Variants in PDE1C observed in about 807,000 individuals in gnomAD.
The protein encoded by PDE1C is dual specificity calcium/calmodulin-dependent 3',5'-cyclic nucleotide phosphodiesterase 1C.
PDE1C carries 62 observed loss-of-function variants against 93.1 expected under a neutral mutation model. The observed-to-expected ratio is 0.67, with a 90% confidence interval of 0.54 to 0.82. The LOEUF (loss-of-function observed/expected upper bound fraction) is 0.82, where lower values mean the gene tolerates loss of function less well. Ranked by LOEUF, PDE1C falls within the 40% of genes least tolerant of loss-of-function variation. The pLI, the probability that PDE1C is intolerant of heterozygous loss-of-function variation, is 0.00. For synonymous variants in PDE1C, 325 were observed against 310.1 expected (o/e 1.05, Z -0.50); for missense variants, 742 against 884.6 (o/e 0.84, Z 2.04).
At chr7:32,006,940 G>A (rs1354460527) in intron 2 of PDE1C, among the ~76,000 whole-genome samples, 1 of 152,170 alleles carries the variant, frequency 6.6e-6, no homozygotes, top group Non-Finnish European at 1.5e-5. Flanking sequence ...CCCAGCATCT[G>A]GCATATCAAT....
At chr7:31,836,874 G>A (rs1415363096) in intron 11 of PDE1C, among the ~76,000 whole-genome samples, 3 of 151,674 alleles carry the variant, frequency 2.0e-5, no homozygotes, top group Non-Finnish European at 2.9e-5. Context: ...TCATTTTGTC[G>A]AGCCACTAGA....
At chr7:32,374,278 A>AG (rs1784392834) in intron 1 of PDE1C, among the ~76,000 whole-genome samples, 3 of 150,170 alleles carry the variant, frequency 2.0e-5, no homozygotes, top group East Asian at 1.9e-4. Flanking sequence ...AAAGAAAGAA[A>AG]GAAAGAAAGA....
chr7:32,372,191 T>G (rs2128087830), intron 1 of PDE1C, among the ~76,000 whole-genome samples: 1 of 152,030 alleles, frequency 6.6e-6, no homozygotes. Flanking sequence ...GTAGCTGGGA[T>G]TACAGGCACC....
intron 1 of PDE1C, among the ~76,000 whole-genome samples, chr7:32,055,834 C>T (rs1794006830): frequency 6.6e-6 from 1 of 152,174 alleles, no homozygotes; most frequent in Non-Finnish European, 1.5e-5. Context: ...GATTCTCCTG[C>T]CTCAGCCTCT....
At chr7:31,862,741 C>G (rs1794828600) in intron 7 of PDE1C, among the ~76,000 whole-genome samples, 1 of 152,188 alleles carries the variant, frequency 6.6e-6, no homozygotes, top group South Asian at 2.1e-4. Flanking sequence ...TGGGAGAACA[C>G]AAACATTCAG....
intron 1 of PDE1C, among the ~76,000 whole-genome samples, chr7:32,251,851 C>T (rs12701206): frequency 0.56 from 84,543 of 151,976 alleles, 25,195 homozygotes; most frequent in Admixed American, 0.67. Flanking sequence ...TTGGCCATGG[C>T]CATCAGCCCA....
chr7:32,402,457 A>G (rs1784965989), intron 1 of PDE1C, among the ~76,000 whole-genome samples: 1 of 151,976 alleles, frequency 6.6e-6, no homozygotes, highest in African/African-American at 2.4e-5. Context: ...TTTCAAGGGC[A>G]AGCAGAGATG....
chr7:31,741,273 A>G, the PDE1C span, among the ~76,000 whole-genome samples: 2 of 152,140 alleles, frequency 1.3e-5, no homozygotes, highest in South Asian at 2.1e-4. Flanking sequence ...AGGTGATGGT[A>G]ACTAGATTAA....
At chr7:32,321,743 T>C (rs951883532) in intron 1 of PDE1C, among the ~76,000 whole-genome samples, 3 of 152,222 alleles carry the variant, frequency 2.0e-5, no homozygotes, top group African/African-American at 7.2e-5. Context: ...CCAACTGGCA[T>C]AAATTTCCCA....
intron 2 of PDE1C, among the ~76,000 whole-genome samples, chr7:31,934,020 ATGCGCTATTCCACTTCATGCT>A (rs1804686665): frequency 2.6e-5 from 4 of 152,236 alleles, no homozygotes; most frequent in Non-Finnish European, 5.9e-5. Context: ...GCATTTGAAC[ATGCGCTATTCCACTTCATGCT>A]TTTCCACAAT....
At chr7:31,877,487 T>C (rs1355538489) in intron 5 of PDE1C, among the ~76,000 whole-genome samples, 1 of 152,010 alleles carries the variant, frequency 6.6e-6, no homozygotes, top group Admixed American at 6.6e-5. Context: ...GAGCTTACCA[T>C]GTGCTGAAAA....
intron 6 of PDE1C, among the ~76,000 whole-genome samples, chr7:31,872,045 T>C (rs1355355886): frequency 5.7e-4 from 1 of 1,762 alleles, no homozygotes; most frequent in Non-Finnish European, 6.0e-3. Flanking sequence ...TATTCGGCCA[T>C]AAAAAAGATG....
At chr7:32,131,059 G>A (rs1799892242) in intron 3 of PDE1C, among the ~76,000 whole-genome samples, 1 of 152,124 alleles carries the variant, frequency 6.6e-6, no homozygotes, top group Admixed American at 6.6e-5. Flanking sequence ...CCACCAAAGA[G>A]TGCTGGAACT....
intron 2 of PDE1C, among the ~76,000 whole-genome samples, chr7:31,890,075 C>G (rs150749770): frequency 6.6e-6 from 1 of 152,162 alleles, no homozygotes; most frequent in East Asian, 1.9e-4. Flanking sequence ...GGCGAGCAGA[C>G]CTTATTGGGA....
At chr7:32,058,317 A>G (rs1256627618) in intron 1 of PDE1C, among the ~76,000 whole-genome samples, 2 of 152,130 alleles carry the variant, frequency 1.3e-5, no homozygotes, top group Non-Finnish European at 2.9e-5. Flanking sequence ...CTCTCAAGGG[A>G]TAGGACATTG....
At chr7:32,190,523 A>C (rs1804165019) in intron 2 of PDE1C, among the ~76,000 whole-genome samples, 1 of 152,206 alleles carries the variant, frequency 6.6e-6, no homozygotes. Flanking sequence ...TGTGTAAATT[A>C]ATAATGCATC....
chr7:31,687,758 T>TA, the PDE1C span, among the ~76,000 whole-genome samples: 2 of 152,172 alleles, frequency 1.3e-5, no homozygotes, highest in Admixed American at 1.3e-4. Context: ...ATCCTCTGGT[T>TA]AAAAAGAGGT....
intron 8 of PDE1C, among the ~76,000 whole-genome samples, chr7:31,848,948 T>A (rs545802968): frequency 6.6e-6 from 1 of 152,296 alleles, no homozygotes; most frequent in African/African-American, 2.4e-5. Flanking sequence ...ATCAAAGGAT[T>A]AAGGGCCTGG....
At chr7:31,932,571 G>A (rs1024821007) in intron 2 of PDE1C, among the ~76,000 whole-genome samples, 11 of 152,184 alleles carry the variant, frequency 7.2e-5, no homozygotes, top group Non-Finnish European at 1.5e-4. Context: ...AACAACAGAT[G>A]CGGGTGAGGA....
Sources: gnomAD v4.1 joint callset for allele counts (sites outside exome capture counted in the v4.1 genomes callset) on GRCh38, gnomAD v4.1.1 for gene constraint, MANE v1.5 for transcripts, NCBI Gene and HGNC (gene_info 2026-07-23, HGNC 2026-07-21) for gene names.